APP: variants seen among roughly 807,000 people sequenced by gnomAD.
The protein encoded by APP is amyloid beta precursor protein.
In APP, 31 loss-of-function variants were observed where a neutral mutation model predicts 101.4. The ratio of observed to expected loss-of-function variants is 0.31; its 90% CI spans 0.23 to 0.41. The LOEUF (loss-of-function observed/expected upper bound fraction) is 0.41. APP is among the 10% of genes least tolerant of loss of function. APP has a pLI of 1.00. For missense variants in APP, 839 were observed against 1,003.7 expected (o/e 0.84, Z 2.22); for synonymous variants, 366 against 364.4 (o/e 1.00, Z -0.05).
Position 25,881,087 on chromosome 21 carries a change from T to A in APP, c.*583A>T, listed in dbSNP as rs201034704. On this transcript the variant is annotated 3_prime_UTR_variant, in exon 18 of 18. Coordinates refer to ENST00000346798, the MANE Select transcript of APP (RefSeq NM_000484.4). ...AGGCACGAAGAAACAAACGTGTGTA[T>A]CCTCTTAATTCCTATATCACAAATA... 6.4e-6 allele frequency: 1 copy of A among 157,450 alleles called. No homozygotes were observed. The highest frequency in any genetic ancestry group is 1.4e-5 in the Non-Finnish European group (1 of 70,844). The allele number at this position is 157,450 out of a possible 1,614,324, so 9.8% of individuals were successfully genotyped here.
At chr21:25,911,460 C>A (rs2039064730) in intron 14 of APP, among the ~76,000 whole-genome samples, 1 of 152,162 alleles carries the variant, frequency 6.6e-6, no homozygotes, top group Non-Finnish European at 1.5e-5. Context: ...TGTTTTGCCA[C>A]CTATACAATG....
At chr21:26,091,636 G>A (rs1221044740) in intron 2 of APP, among the ~76,000 whole-genome samples, 1 of 152,196 alleles carries the variant, frequency 6.6e-6, no homozygotes, top group African/African-American at 2.4e-5. Flanking sequence ...GAACATCGAT[G>A]AGGTAGAAAG....
At chr21:26,053,369 T>C (rs764565830) in intron 3 of APP, 21 bp from the exon 4 acceptor site, 2 of 1,453,700 alleles carry the variant, frequency 1.4e-6, no homozygotes, top group South Asian at 2.3e-5. Context: ...GGAAAACCAC[T>C]TCCCGTCATT....
rs1211866258 is a variant in APP at position 26,089,862 on chromosome 21, T to G, written c.355+81A>C. Reference sequence around the variant, plus strand: ...GTGCTGAAGAACAAGTCTGTGTATGTGACCTAACAGGAGCATCCTCTTTTT... The same window carrying G: ...GTGCTGAAGAACAAGTCTGTGTATGGGACCTAACAGGAGCATCCTCTTTTT... On this transcript the variant is annotated intron_variant, in intron 3 of 17. Coordinates refer to ENST00000346798, the MANE Select transcript of APP (RefSeq NM_000484.4). 2.5e-6 allele frequency: 4 copies of G among 1,599,696 alleles called. No homozygotes were observed. The African/African-American group carries it at 5.4e-5, about 21-fold the overall frequency.
chr21:25,929,321 CA>C (rs2040041123), intron 13 of APP, among the ~76,000 whole-genome samples: 1 of 150,616 alleles, frequency 6.6e-6, no homozygotes, highest in Non-Finnish European at 1.5e-5. Flanking sequence ...AATTTCATGC[CA>C]AAAATGTAGA....
chr21:26,102,094 T>TG (rs1237718664), intron 2 of APP, among the ~76,000 whole-genome samples: 2 of 70,362 alleles, frequency 2.8e-5, no homozygotes, highest in African/African-American at 6.1e-5. Context: ...TTTTTTTTTT[T>TG]TTTTTTTTTT....
chr21:25,892,701 T>A (rs1454071934), intron 16 of APP, among the ~76,000 whole-genome samples: 1 of 152,212 alleles, frequency 6.6e-6, no homozygotes, highest in Non-Finnish European at 1.5e-5. Context: ...AAAGAAGGAA[T>A]AAAATTTCAT....
intron 6 of APP, among the ~76,000 whole-genome samples, chr21:26,002,335 C>T (rs113043908): frequency 0.014 from 2,164 of 151,914 alleles, 55 homozygotes; most frequent in African/African-American, 0.05. Context: ...GAAAGAGCAA[C>T]GTGTATAGGG....
intron 13 of APP, among the ~76,000 whole-genome samples, chr21:25,936,292 G>A (rs932750985): frequency 6.6e-5 from 10 of 152,090 alleles, no homozygotes; most frequent in Non-Finnish European, 8.8e-5. Flanking sequence ...CGGGGCTCAC[G>A]CCTGTAATCC....
chr21:26,034,427 G>A (rs1277825575), intron 5 of APP, among the ~76,000 whole-genome samples: 1 of 151,880 alleles, frequency 6.6e-6, no homozygotes, highest in East Asian at 1.9e-4. Flanking sequence ...GGCGGATCTT[G>A]AGGACAGGAG....
chr21:26,045,352 C>T (rs113476868), intron 5 of APP, among the ~76,000 whole-genome samples: 33 of 152,044 alleles, frequency 2.2e-4, no homozygotes, highest in African/African-American at 5.3e-4. Flanking sequence ...ATTTGTAAGA[C>T]GGATATATTT....
At chr21:26,124,848 T>C (rs926797711) in intron 1 of APP, among the ~76,000 whole-genome samples, 2 of 152,220 alleles carry the variant, frequency 1.3e-5, no homozygotes, top group African/African-American at 4.8e-5. Context: ...TATATTCAGA[T>C]AAACATTTTC....
chr21:25,888,654 C>T (rs1046185895), intron 17 of APP, among the ~76,000 whole-genome samples: 77 of 152,236 alleles, frequency 5.1e-4, no homozygotes, highest in African/African-American at 1.8e-3. Flanking sequence ...CCATCCTTCC[C>T]GATTTTGCTC....
chr21:25,941,408 A>C (rs923316347), intron 13 of APP: 4 of 152,256 alleles, frequency 2.6e-5, no homozygotes, highest in African/African-American at 9.6e-5. Flanking sequence ...TAAACTAAGA[A>C]AAAAATACGC....
intron 7 of APP, among the ~76,000 whole-genome samples, chr21:25,998,886 C>T (rs1338492708): frequency 6.6e-6 from 1 of 152,204 alleles, no homozygotes; most frequent in Non-Finnish European, 1.5e-5. Context: ...ACTGGACCTC[C>T]TGAGAATTAC....
At chr21:26,140,405 C>A in intron 1 of APP, 2 of 1,398,222 alleles carry the variant, frequency 1.4e-6, no homozygotes, top group Non-Finnish European at 1.9e-6. Context: ...GTGGATCACA[C>A]GCACACTGCG....
intron 1 of APP, among the ~76,000 whole-genome samples, chr21:26,151,883 T>A (rs2063278208): frequency 1.3e-5 from 2 of 152,118 alleles, no homozygotes; most frequent in African/African-American, 4.8e-5. Flanking sequence ...AGCATTACAA[T>A]AAATAATAAA....
At chr21:25,894,303 CTTA>C (rs1569018280) in intron 16 of APP, among the ~76,000 whole-genome samples, 2 of 152,136 alleles carry the variant, frequency 1.3e-5, no homozygotes, top group African/African-American at 2.4e-5. Flanking sequence ...ATTTCAGCCT[CTTA>C]TTATTTCAAA....
At chr21:25,907,914 A>G (rs2038873487) in intron 14 of APP, among the ~76,000 whole-genome samples, 1 of 152,198 alleles carries the variant, frequency 6.6e-6, no homozygotes, top group Non-Finnish European at 1.5e-5. Context: ...AAAATATACT[A>G]GAAGGCAGCT....
Sources: gnomAD v4.1 joint callset for allele counts (sites outside exome capture counted in the v4.1 genomes callset) on GRCh38, gnomAD v4.1.1 for gene constraint, MANE v1.5 for transcripts, NCBI Gene and HGNC (gene_info 2026-07-23, HGNC 2026-07-21) for gene names.